The following RNF128 variants were observed in gnomAD, a reference collection of about 807,000 sequenced individuals.
The protein encoded by RNF128 is E3 ubiquitin-protein ligase RNF128.
A neutral mutation model predicts 26.2 loss-of-function variants in RNF128; 13 were observed. The observed-to-expected ratio is 0.50, with a 90% CI of 0.32 to 0.79. The LOEUF (loss-of-function observed/expected upper bound fraction) is 0.79. RNF128 is among the 30% of genes least tolerant of loss of function. The pLI is 0.03. For synonymous variants in RNF128, 149 were observed against 142.5 expected (o/e 1.05, Z -0.32); for missense variants, 315 against 349.7 (o/e 0.90, Z 0.79).
At chrX:106,751,250 CAG>C (rs1425942045) in intron 1 of RNF128, among the ~76,000 whole-genome samples, 1 of 111,203 alleles carries the variant, frequency 9.0e-6, no homozygotes, top group African/African-American at 3.3e-5. Flanking sequence ...CAGCTTGGCA[CAG>C]AGAGAAAATC....
chrX:106,697,819 G>T (rs1321908206), intron 1 of RNF128, among the ~76,000 whole-genome samples: 1 of 110,332 alleles, frequency 9.1e-6, no homozygotes, highest in East Asian at 2.9e-4. Context: ...TTCTAACTCA[G>T]TTTCCCATTG....
At chrX:106,784,020 A>G (rs1203679616) in intron 2 of RNF128, among the ~76,000 whole-genome samples, 1 of 111,427 alleles carries the variant, frequency 9.0e-6, no homozygotes, top group Admixed American at 9.6e-5. Flanking sequence ...TGGAGGGGAC[A>G]AATATTCACC....
At chrX:106,752,592 G>C (rs1411465845) in intron 1 of RNF128, among the ~76,000 whole-genome samples, 3 of 112,218 alleles carry the variant, frequency 2.7e-5, no homozygotes, top group East Asian at 2.8e-4. Context: ...AAGAAGGACA[G>C]GTATAAACAA....
chrX:106,717,850 C>A (rs1264610958), intron 1 of RNF128, among the ~76,000 whole-genome samples: 1 of 112,128 alleles, frequency 8.9e-6, no homozygotes, highest in Non-Finnish European at 1.9e-5. Flanking sequence ...GTCTTCTATT[C>A]TTTACTTATT....
intron 1 of RNF128, among the ~76,000 whole-genome samples, chrX:106,751,257 A>C (rs945673150): frequency 9.0e-6 from 1 of 111,299 alleles, no homozygotes; most frequent in Non-Finnish European, 1.9e-5. Context: ...GCACAGAGAG[A>C]AAATCTGTGT....
intron 4 of RNF128, among the ~76,000 whole-genome samples, chrX:106,788,276 T>TTA (rs1399828936): frequency 2.8e-5 from 2 of 70,235 alleles, no homozygotes; most frequent in East Asian, 4.1e-4. Flanking sequence ...TATATATGTA[T>TTA]TATATATATA....
chrX:106,771,029 C>A (rs897868297), intron 1 of RNF128, among the ~76,000 whole-genome samples: 1 of 112,190 alleles, frequency 8.9e-6, no homozygotes, highest in African/African-American at 3.2e-5. Context: ...TACTCCAGAC[C>A]CTGTTTGCCT....
intron 1 of RNF128, among the ~76,000 whole-genome samples, chrX:106,747,804 A>G (rs772727194): frequency 8.9e-6 from 1 of 112,296 alleles, no homozygotes; most frequent in South Asian, 3.7e-4. Flanking sequence ...ATTTTCTACT[A>G]CTGGCCATAA....
At chrX:106,704,262 C>T (rs1237496534) in intron 1 of RNF128, among the ~76,000 whole-genome samples, 9 of 108,837 alleles carry the variant, frequency 8.3e-5, no homozygotes, top group African/African-American at 1.7e-4. Flanking sequence ...GGTGAAACCC[C>T]GTCTCTACTA....
chrX:106,709,848 T>C, intron 1 of RNF128, among the ~76,000 whole-genome samples: 1 of 111,689 alleles, frequency 9.0e-6, no homozygotes, highest in South Asian at 3.8e-4. Context: ...GCCCAGCCTG[T>C]TTTAACTTCT....
chrX:106,724,832 T>C (rs925040439), upstream of RNF128, among the ~76,000 whole-genome samples: 2 of 112,010 alleles, frequency 1.8e-5, no homozygotes, highest in Admixed American at 1.9e-4. Flanking sequence ...TCCATTTTAC[T>C]TGTCCTTCTC....
chrX:106,723,153 A>G (rs73638917), upstream of RNF128, among the ~76,000 whole-genome samples: 237 of 112,501 alleles, frequency 2.1e-3, no homozygotes, highest in African/African-American at 7.2e-3. Context: ...GAAAAGTAGG[A>G]AAAAAAGTAC....
At chrX:106,789,023 AG>A (rs1930754523) in intron 4 of RNF128, among the ~76,000 whole-genome samples, 1 of 83,928 alleles carries the variant, frequency 1.2e-5, no homozygotes, top group Non-Finnish European at 2.2e-5. Flanking sequence ...TATACTATAT[AG>A]TGAGATAATA....
At chrX:106,788,583 A>G (rs1258774547) in intron 4 of RNF128, among the ~76,000 whole-genome samples, 1 of 58,101 alleles carries the variant, frequency 1.7e-5, no homozygotes, top group Non-Finnish European at 2.8e-5. Flanking sequence ...TATATATCTT[A>G]CATAGTATAT....
At chrX:106,728,894 CTG>C (rs1929454546) in intron 1 of RNF128, among the ~76,000 whole-genome samples, 1 of 111,779 alleles carries the variant, frequency 8.9e-6, no homozygotes, top group Non-Finnish European at 1.9e-5. Flanking sequence ...AAAGGAGAAA[CTG>C]TATCTCTCTT....
In RNF128 at chrX:106,773,088, G is replaced by A. The variant is rs755116654; in HGVS notation, c.660G>A (p.Ala220=). The stretch of plus-strand genomic sequence containing the variant: ...CTGTGTCCTTTTTTATTATTACGGC[G>A]GCAACTGTGGGCTATTTTATCTTTT... The part of the protein sequence containing the change: ...FVSVSFFIIT[A]ATVGYFIFYS... Residue 220 remains alanine (A), a synonymous_variant, in exon 2 of 7, where the codon GCG becomes GCA. Coordinates refer to ENST00000255499, the MANE Select transcript of RNF128 (RefSeq NM_194463.2). The A allele has an allele frequency of 6.9e-5, 83 of 1,207,175 alleles. No individual in the cohort carries two copies. Among genetic ancestry groups the A allele is most frequent in the African/African-American group, 6.0e-4 (34 of 56,617 alleles).
At chrX:106,703,999 G>A (rs1414945263) in intron 1 of RNF128, among the ~76,000 whole-genome samples, 2 of 110,037 alleles carry the variant, frequency 1.8e-5, no homozygotes, top group Non-Finnish European at 1.9e-5. Context: ...GAAAAGGATG[G>A]CTGTGATCCA....
At chrX:106,745,037 T>C (rs921376378) in intron 1 of RNF128, among the ~76,000 whole-genome samples, 26 of 111,598 alleles carry the variant, frequency 2.3e-4, no homozygotes, top group African/African-American at 8.1e-4. Context: ...GAGTGTGACA[T>C]GTCATCCACA....
chrX:106,694,512 T>C (rs1928844939), intron 1 of RNF128: 4 of 556,431 alleles, frequency 7.2e-6, no homozygotes, highest in Admixed American at 4.6e-5. Flanking sequence ...TGTAAAATAA[T>C]TTTACTTTAA....
Sources: gnomAD v4.1 joint callset for allele counts (sites outside exome capture counted in the v4.1 genomes callset) on GRCh38, gnomAD v4.1.1 for gene constraint, MANE v1.5 for transcripts, NCBI Gene and HGNC (gene_info 2026-07-23, HGNC 2026-07-21) for gene names.